The following TSHR variants were observed in gnomAD, a reference collection of about 807,000 sequenced individuals.
TSHR encodes the protein thyrotropin receptor.
TSHR carries 51 observed loss-of-function variants against 64.1 expected under a neutral mutation model. The observed-to-expected ratio is 0.80, with a 90% CI of 0.64 to 1.01. The LOEUF is 1.01. Ranked by LOEUF, TSHR falls within the 50% of genes least tolerant of loss-of-function variation. TSHR has a pLI of 0.00. For missense variants in TSHR, 877 were observed against 942.8 expected (o/e 0.93, Z 0.91); for synonymous variants, 361 against 361.9 (o/e 1.00, Z 0.03).
At chr14:80,994,213 A>C (rs1888888291) in intron 1 of TSHR, 1 of 150,912 alleles carries the variant, frequency 6.6e-6, no homozygotes, top group Non-Finnish European at 1.5e-5. Flanking sequence ...TACAGTTTGC[A>C]ATATATATGC....
At chr14:81,142,389 C>CTT (rs1039173144) in intron 9 of TSHR, among the ~76,000 whole-genome samples, 3 of 144,774 alleles carry the variant, frequency 2.1e-5, no homozygotes, top group Non-Finnish European at 1.5e-5. Context: ...CACTTGGCCA[C>CTT]TTTTTTTTTT....
chr14:81,116,314 C>T (rs1367454002), intron 8 of TSHR, among the ~76,000 whole-genome samples: 2 of 124,282 alleles, frequency 1.6e-5, no homozygotes, highest in Middle Eastern at 3.6e-3. Context: ...CACATAGGCT[C>T]AAAATAAAAG....
In TSHR at chr14:81,105,021, A is replaced by G. The variant is rs1372755074; in HGVS notation, c.615-3354A>G. 3.0e-6 allele frequency: 3 copies of G among 985,264 alleles called. No individual in the cohort carries two copies. In the African/African-American group the frequency reaches 5.2e-5, roughly 17 times the overall value. 61.0% of individuals were successfully genotyped at this position (985,264 alleles called of 1,614,324 possible). A position where few individuals can be genotyped will look rare whatever the true frequency, so the allele number is the denominator to read the frequency against. On this transcript the variant is annotated intron_variant, in intron 7 of 9. Transcript: ENST00000298171. ...AAAGTATTTCCTTTCGTCTCTTACTACAAGCCTTTTGAGTCTCTTTTAAGC... is the reference window on the plus strand; with the variant it reads ...AAAGTATTTCCTTTCGTCTCTTACTGCAAGCCTTTTGAGTCTCTTTTAAGC...
chr14:81,013,964 A>G (rs1014741717), intron 1 of TSHR: 4 of 152,308 alleles, frequency 2.6e-5, no homozygotes, highest in African/African-American at 9.6e-5. Context: ...TTTGTGGGAA[A>G]AAAAAGTGTA....
At chr14:81,092,272 T>C (rs1201207793) in intron 5 of TSHR, among the ~76,000 whole-genome samples, 1 of 152,100 alleles carries the variant, frequency 6.6e-6, no homozygotes, top group African/African-American at 2.4e-5. Context: ...AAGATGAGGA[T>C]TAAGTCAGGG....
chr14:81,037,136 A>G (rs1884665664), intron 1 of TSHR, among the ~76,000 whole-genome samples: 1 of 142,386 alleles, frequency 7.0e-6, no homozygotes. Context: ...AGCAAGACTC[A>G]GTCTCAAAAA....
At chr14:81,123,128 GAAAAAAA>G (rs3837639) in intron 8 of TSHR, among the ~76,000 whole-genome samples, 1 of 137,572 alleles carries the variant, frequency 7.3e-6, no homozygotes, top group African/African-American at 2.5e-5. Context: ...CTCCGTCTAA[GAAAAAAA>G]AAAAAATTAA....
intron 1 of TSHR, among the ~76,000 whole-genome samples, chr14:81,011,028 T>C (rs976292574): frequency 8.5e-5 from 13 of 152,210 alleles, no homozygotes; most frequent in African/African-American, 3.1e-4. Flanking sequence ...TGTATCTTAC[T>C]GTCGCTCTCT....
intron 1 of TSHR, among the ~76,000 whole-genome samples, chr14:81,045,868 G>A (rs1594995528): frequency 6.6e-6 from 1 of 152,244 alleles, no homozygotes; most frequent in African/African-American, 2.4e-5. Context: ...TGTATATCAG[G>A]AATTGGGGTA....
intron 3 of TSHR, among the ~76,000 whole-genome samples, chr14:81,076,484 A>T (rs1174649481): frequency 3.3e-5 from 5 of 152,110 alleles, no homozygotes; most frequent in Non-Finnish European, 7.4e-5. Flanking sequence ...GACATCTTAC[A>T]CATATCTCAC....
Position 81,128,695 on chromosome 14 carries a change from C to A in TSHR, c.693-10984C>A, listed in dbSNP as rs376806099. Among the ~76,000 whole-genome samples the A allele has an allele frequency of 1.5e-3, 224 of 152,266 alleles. 6 individuals carry two copies. The Middle Eastern group carries it at 0.027, about 18-fold the overall frequency. ...AATAGGACACATGGCATGTTCCCAC[C>A]TTAGGGGTTGGGCACTAGTTGTTTT... is the stretch of plus-strand genomic sequence containing the variant. On this transcript the variant is annotated intron_variant, in intron 8 of 9. Transcript: ENST00000298171.
chr14:81,031,802 A>G (rs902146523), intron 1 of TSHR, among the ~76,000 whole-genome samples: 2 of 152,212 alleles, frequency 1.3e-5, no homozygotes, highest in Non-Finnish European at 2.9e-5. Context: ...GACATTGACT[A>G]TAGAAACTTC....
At chr14:81,046,675 T>C (rs551028430) in intron 1 of TSHR, among the ~76,000 whole-genome samples, 12 of 152,158 alleles carry the variant, frequency 7.9e-5, no homozygotes, top group Admixed American at 7.2e-4. Context: ...TTTTCCAAAT[T>C]TGATAAAAAC....
At chr14:81,058,381 T>C (rs1207981939) in intron 1 of TSHR, among the ~76,000 whole-genome samples, 1 of 152,244 alleles carries the variant, frequency 6.6e-6, no homozygotes, top group Non-Finnish European at 1.5e-5. Context: ...TTATATCTTT[T>C]CTCTCACATA....
chr14:81,057,943 T>A (rs1595018725), intron 1 of TSHR, among the ~76,000 whole-genome samples: 1 of 152,268 alleles, frequency 6.6e-6, no homozygotes, highest in Non-Finnish European at 1.5e-5. Flanking sequence ...GCTATGTGTT[T>A]AAGATTCCAG....
chr14:81,074,298 A>G (rs558029598), intron 3 of TSHR, among the ~76,000 whole-genome samples: 1 of 152,274 alleles, frequency 6.6e-6, no homozygotes, highest in East Asian at 1.9e-4. Flanking sequence ...ATTGTCTGCA[A>G]ATGGTTTTGG....
intron 8 of TSHR, among the ~76,000 whole-genome samples, chr14:81,131,120 C>T (rs1891230350): frequency 6.6e-6 from 1 of 152,168 alleles, no homozygotes; most frequent in Non-Finnish European, 1.5e-5. Context: ...CCTGCCTCAC[C>T]TGCAGCCTTC....
chr14:81,114,819 G>A (rs1175036301), intron 8 of TSHR, among the ~76,000 whole-genome samples: 5 of 152,220 alleles, frequency 3.3e-5, no homozygotes, highest in South Asian at 2.1e-4. Flanking sequence ...CTACCAGCAC[G>A]CAGCTGGAGA....
rs74064795 is a variant in TSHR, at chr14:80,984,665, G to T, written c.170+28815G>T. The stretch of plus-strand genomic sequence containing the variant: ...CTGGTTTTAATGTTTAATTTTGCAT[G>T]CCAGGTTACAATTCTTAACTTCCTC... On this transcript the variant is annotated intron_variant, in intron 1 of 9. Coordinates refer to ENST00000298171, the MANE Select transcript of TSHR (RefSeq NM_000369.5). Among the ~76,000 whole-genome samples the T allele has an allele frequency of 5.1e-3, 784 of 152,296 alleles. 4 individuals are homozygous for T. Among genetic ancestry groups the T allele is most frequent in the African/African-American group, 0.017 (686 of 41,558 alleles).
Sources: gnomAD v4.1 joint callset for allele counts (sites outside exome capture counted in the v4.1 genomes callset) on GRCh38, gnomAD v4.1.1 for gene constraint, MANE v1.5 for transcripts, NCBI Gene and HGNC (gene_info 2026-07-23, HGNC 2026-07-21) for gene names.